ITFG1: variants seen among roughly 807,000 people sequenced by gnomAD.
ITFG1 encodes the protein integrin alpha FG-GAP repeat containing 1, also known as T-cell immunomodulatory protein.
ITFG1 carries 34 observed loss-of-function variants against 81.8 expected under a neutral mutation model. The observed-to-expected ratio is 0.42, with a 90% CI of 0.32 to 0.55. ITFG1 has a LOEUF of 0.55. Among genes scored for constraint, ITFG1 ranks in the 20% least tolerant of loss-of-function variants. The probability of loss-of-function intolerance (pLI) is 0.17; values close to 1 mark genes in which losing one functional copy is unlikely to be tolerated. For missense variants in ITFG1, 672 were observed against 755.4 expected, an observed-to-expected ratio of 0.89 and a Z score of 1.29; for synonymous variants, 285 against 270.6, an observed-to-expected ratio of 1.05 and a Z score of -0.52.
At chr16:47,352,952 G>A (rs1260535234) in intron 8 of ITFG1, among the ~76,000 whole-genome samples, 3 of 151,556 alleles carry the variant, frequency 2.0e-5, no homozygotes, top group Non-Finnish European at 4.4e-5. Context: ...GCAAACTATC[G>A]CCAAGGACAA....
chr16:47,304,098 T>C (rs974252439), intron 10 of ITFG1, among the ~76,000 whole-genome samples: 5 of 152,216 alleles, frequency 3.3e-5, no homozygotes, highest in African/African-American at 1.2e-4. Flanking sequence ...TTGGGATTTA[T>C]AGTTGTAGAA....
intron 8 of ITFG1, among the ~76,000 whole-genome samples, chr16:47,315,770 T>TATATATATATATATACACAC: frequency 6.6e-6 from 1 of 151,038 alleles, no homozygotes; most frequent in African/African-American, 2.5e-5. Context: ...CTAAATGCCA[T>TATATATATATATATACACAC]ATATATATAC....
chr16:47,208,544 T>A (rs1243205931), intron 14 of ITFG1, among the ~76,000 whole-genome samples: 1 of 152,194 alleles, frequency 6.6e-6, no homozygotes, highest in South Asian at 2.1e-4. Context: ...TGGTTAACAT[T>A]GATGGGCACC....
At chr16:47,434,076 T>TATATAAA (rs1969132052) in intron 5 of ITFG1, among the ~76,000 whole-genome samples, 4 of 151,074 alleles carry the variant, frequency 2.6e-5, no homozygotes, top group Admixed American at 6.6e-5. Flanking sequence ...GATTAAAGAC[T>TATATAAA]TAAAATATAA....
At chr16:47,268,644 G>C (rs1311623621) in intron 10 of ITFG1, among the ~76,000 whole-genome samples, 1 of 152,204 alleles carries the variant, frequency 6.6e-6, no homozygotes, top group Non-Finnish European at 1.5e-5. Flanking sequence ...ATCTTGATTT[G>C]CACAGTTCAG....
intron 7 of ITFG1, among the ~76,000 whole-genome samples, chr16:47,372,191 C>A (rs1207756722): frequency 1.3e-5 from 2 of 152,240 alleles, no homozygotes; most frequent in South Asian, 2.1e-4. Flanking sequence ...TCCTTGAGTT[C>A]TGTTCCTACA....
At chr16:47,197,475 A>C (rs1410445459) in intron 14 of ITFG1, among the ~76,000 whole-genome samples, 2 of 151,990 alleles carry the variant, frequency 1.3e-5, no homozygotes, top group African/African-American at 4.8e-5. Flanking sequence ...ATCAATGTAT[A>C]TCTTACATGT....
At chr16:47,237,111 A>G (rs1482626515) in intron 13 of ITFG1, among the ~76,000 whole-genome samples, 4 of 152,204 alleles carry the variant, frequency 2.6e-5, no homozygotes, top group African/African-American at 7.2e-5. Flanking sequence ...TCACTACTTC[A>G]GAGGTGTTGC....
intron 8 of ITFG1, among the ~76,000 whole-genome samples, chr16:47,333,768 G>A (rs900641075): frequency 2.6e-5 from 4 of 152,148 alleles, no homozygotes; most frequent in African/African-American, 4.8e-5. Context: ...GACCCGTTTC[G>A]TGCTTTAAGG....
At chr16:47,302,268 G>A (rs1329848125) in intron 10 of ITFG1, among the ~76,000 whole-genome samples, 1 of 152,026 alleles carries the variant, frequency 6.6e-6, no homozygotes, top group Non-Finnish European at 1.5e-5. Context: ...ATATTTAAAA[G>A]ACTAGAGAAA....
chr16:47,440,315 T>G (rs1969229406), intron 5 of ITFG1, among the ~76,000 whole-genome samples: 1 of 152,162 alleles, frequency 6.6e-6, no homozygotes, highest in Non-Finnish European at 1.5e-5. Flanking sequence ...GGAACTGAAC[T>G]CAGCTCTGCA....
chr16:47,353,603 A>G (rs895368543), intron 8 of ITFG1, among the ~76,000 whole-genome samples: 77 of 152,304 alleles, frequency 5.1e-4, no homozygotes, highest in African/African-American at 1.7e-3. Context: ...GGAGGCAGTC[A>G]AACTGTTCTT....
chr16:47,405,631 A>G (rs1968718550), intron 6 of ITFG1, among the ~76,000 whole-genome samples: 1 of 152,206 alleles, frequency 6.6e-6, no homozygotes, highest in African/African-American at 2.4e-5. Context: ...CAGTTTTACA[A>G]TATGTGTACT....
intron 12 of ITFG1, among the ~76,000 whole-genome samples, chr16:47,257,254 C>T (rs1005231334): frequency 1.3e-5 from 2 of 152,158 alleles, no homozygotes; most frequent in African/African-American, 4.8e-5. Flanking sequence ...CTTCAAAAAA[C>T]CCTCCTAGAA....
At chr16:47,419,072 C>T (rs2151605776) in intron 6 of ITFG1, among the ~76,000 whole-genome samples, 1 of 152,172 alleles carries the variant, frequency 6.6e-6, no homozygotes, top group African/African-American at 2.4e-5. Flanking sequence ...TTGAACCATC[C>T]TTGTATTTCT....
intron 14 of ITFG1, among the ~76,000 whole-genome samples, chr16:47,208,763 C>T (rs1024317569): frequency 2.0e-5 from 3 of 152,036 alleles, no homozygotes; most frequent in Admixed American, 6.6e-5. Context: ...AGTGGGATAC[C>T]GTTAGAGATA....
chr16:47,316,651 A>C (rs1414973899), intron 8 of ITFG1, among the ~76,000 whole-genome samples: 2 of 152,216 alleles, frequency 1.3e-5, no homozygotes, highest in African/African-American at 2.4e-5. Flanking sequence ...CTGTTACTTA[A>C]TAGCCTCCTT....
rs923441760 is a variant in ITFG1, at chr16:47,436,620, T to C, written c.561-7722A>G. Among the ~76,000 whole-genome samples, 6 of 152,318 alleles carry C rather than the reference T, an allele frequency of 3.9e-5. No homozygotes were observed. The East Asian group carries it at 5.8e-4, about 15-fold the overall frequency. ...TCATAGATGTAAATGCTAAGAAATC[T>C]TGCTCATGTGAAAAGGCAGATTAGA... On this transcript the variant is annotated intron_variant, in intron 5 of 17. Coordinates refer to ENST00000320640, the MANE Select transcript of ITFG1 (RefSeq NM_030790.5).
intron 10 of ITFG1, among the ~76,000 whole-genome samples, chr16:47,294,835 A>G (rs149834857): frequency 1.2e-4 from 18 of 152,088 alleles, no homozygotes; most frequent in African/African-American, 3.4e-4. Flanking sequence ...CTCTTTTCCA[A>G]TTTGCATGGT....
Sources: allele counts gnomAD v4.1 joint callset (sites outside exome capture counted in the v4.1 genomes callset), GRCh38; gene constraint gnomAD v4.1.1; transcripts MANE v1.5; gene names NCBI Gene and HGNC (gene_info 2026-07-23, HGNC 2026-07-21).